The following CPNE9 variants were observed in gnomAD, a reference collection of about 807,000 sequenced individuals.
The protein encoded by CPNE9 is copine-9.
In CPNE9, 59 loss-of-function variants were observed where a neutral mutation model predicts 83.0. The observed-to-expected ratio is 0.71, with a 90% CI of 0.58 to 0.88. The LOEUF (loss-of-function observed/expected upper bound fraction) is 0.88. CPNE9 is among the 40% of genes least tolerant of loss of function. The probability of loss-of-function intolerance (pLI) is 0.00; values close to 1 mark genes in which losing one functional copy is unlikely to be tolerated. For missense variants in CPNE9, 619 were observed against 720.8 expected (o/e 0.86, Z 1.62); for synonymous variants, 256 against 273.4 (o/e 0.94, Z 0.63).
chr3:9,707,646 A>G (rs929158529), intron 7 of CPNE9, among the ~76,000 whole-genome samples: 1 of 149,848 alleles, frequency 6.7e-6, no homozygotes, highest in African/African-American at 2.4e-5. Flanking sequence ...AAAGCCAGGC[A>G]TGGTGGTGTG....
chr3:9,722,781 T>C (rs2076745847), intron 17 of CPNE9, among the ~76,000 whole-genome samples: 1 of 152,078 alleles, frequency 6.6e-6, no homozygotes, highest in Non-Finnish European at 1.5e-5. Flanking sequence ...TCCCAAAGCA[T>C]TGGGATCTTA....
At chr3:9,705,793 C>T (rs2076557784) in intron 6 of CPNE9, 73 bp downstream of exon 6, 1 of 1,523,354 alleles carries the variant, frequency 6.6e-7, no homozygotes, top group African/African-American at 1.4e-5. Flanking sequence ...GGACTGATGA[C>T]CCACTACAAG....
intron 17 of CPNE9, among the ~76,000 whole-genome samples, chr3:9,722,409 T>C (rs2076743128): frequency 6.6e-6 from 1 of 152,144 alleles, no homozygotes; most frequent in African/African-American, 2.4e-5. Flanking sequence ...CTCAGCTAAC[T>C]TCCAGATAAA....
intron 15 of CPNE9, among the ~76,000 whole-genome samples, chr3:9,717,466 C>T (rs539890868): frequency 2.6e-5 from 4 of 152,102 alleles, no homozygotes; most frequent in Admixed American, 2.6e-4. Context: ...GTAGATGCAT[C>T]GATGGGTATG....
chr3:9,715,494 T>C lies in CPNE9; in HGVS notation c.790T>C (p.Cys264Arg). 1 of 1,614,016 alleles carries C rather than the reference T, an allele frequency of 6.2e-7. No homozygotes were observed. The highest frequency in any genetic ancestry group is 8.5e-7 in the Non-Finnish European group (1 of 1,179,922). The change falls in exon 13 of 21, where the codon TGT becomes CGT. Residue 264 changes from cysteine (C) to arginine (R), a missense_variant. Physicochemically the swap from Cys to Arg is radical, Grantham distance 180. Coordinates refer to ENST00000383832, the MANE Select transcript of CPNE9 (RefSeq NM_153635.3). ...TTAGGTTCTTAACCCTCGGAAGAAATGTAAGAAGAAGAAATATGTCAACTC... is the reference window on the plus strand; with the variant it reads ...TTAGGTTCTTAACCCTCGGAAGAAACGTAAGAAGAAGAAATATGTCAACTC... Reference protein sequence around the residue: ...VYEVLNPRKKCKKKKYVNSGT... With the variant: ...VYEVLNPRKKRKKKKYVNSGT...
chr3:9,720,950 T>A (rs754323328), intron 17 of CPNE9, among the ~76,000 whole-genome samples: 2 of 152,252 alleles, frequency 1.3e-5, no homozygotes, highest in Non-Finnish European at 2.9e-5. Context: ...ATGAGGAAAG[T>A]AACAATGTCT....
chr3:9,723,450 C>A (rs1002461267), intron 17 of CPNE9, among the ~76,000 whole-genome samples: 58 of 151,296 alleles, frequency 3.8e-4, no homozygotes, highest in African/African-American at 1.4e-3. Context: ...CCAGCCTGGG[C>A]AACAGAGCGA....
At chr3:9,723,492 C>G (rs767661267) in intron 17 of CPNE9, among the ~76,000 whole-genome samples, 33 of 151,952 alleles carry the variant, frequency 2.2e-4, no homozygotes, top group Non-Finnish European at 4.0e-4. Context: ...AGAAAAAAAC[C>G]AGGATCATGA....
intron 13 of CPNE9, 101 bp downstream of exon 13, chr3:9,715,627 C>A: frequency 1.0e-6 from 1 of 1,003,558 alleles, no homozygotes; most frequent in Non-Finnish European, 1.6e-6. Context: ...ACAGTGGGCA[C>A]AGATTACTTG....
chr3:9,724,559 G>A (rs1214786982), intron 17 of CPNE9, among the ~76,000 whole-genome samples: 1 of 152,172 alleles, frequency 6.6e-6, no homozygotes, highest in Non-Finnish European at 1.5e-5. Context: ...CTCAATTTCT[G>A]ACCTCCACAC....
At position 9,704,195 on chromosome 3, in the gene CPNE9, A is replaced by C. The variant is rs1559633152; in HGVS notation, c.68+131A>C. On this transcript the variant is annotated intron_variant, in intron 1 of 20. Coordinates refer to ENST00000383832, the MANE Select transcript of CPNE9 (RefSeq NM_153635.3). This position sits in a 1 kb window ranked among gnomAD's most constrained non-coding sequence, Gnocchi z 7.1. ...ATTGGCTGGAAAATCACAGCTGATG[A>C]CAGGGCGAGTAGCTGGTGGGATCGA... The C allele has an allele frequency of 1.2e-6, 1 of 847,002 alleles. No homozygotes were observed. Among genetic ancestry groups the C allele is most frequent in the Non-Finnish European group, 1.8e-6 (1 of 547,346 alleles). 52.5% of individuals were successfully genotyped at this position (847,002 alleles called of 1,614,324 possible).
At chr3:9,725,569 GAT>G (rs112756664) in intron 17 of CPNE9, among the ~76,000 whole-genome samples, 86 of 145,830 alleles carry the variant, frequency 5.9e-4, no homozygotes, top group Non-Finnish European at 8.3e-4. Flanking sequence ...TGTGTGTATG[GAT>G]ATATATATAT....
chr3:9,714,213 C>T (rs1330202508), intron 10 of CPNE9, among the ~76,000 whole-genome samples: 2 of 152,256 alleles, frequency 1.3e-5, no homozygotes, highest in East Asian at 3.9e-4. Context: ...AGTTGGTAGA[C>T]AGACAGACAG....
Position 9,712,618 on chromosome 3 carries a change from A to T in CPNE9, c.441+14A>T. On this transcript the variant is annotated intron_variant, in intron 8 of 20. Coordinates refer to ENST00000383832, the MANE Select transcript of CPNE9 (RefSeq NM_153635.3). ...AGCAATTGTCGGGTCAGTAAGGGCC[A>T]CATGCTAGACCCAGGAGCTCCCTTC... 9 of 1,613,020 alleles carry T rather than the reference A, an allele frequency of 5.6e-6. No individual in the cohort carries two copies. Among genetic ancestry groups the T allele is most frequent in the Non-Finnish European group, 7.6e-6 (9 of 1,178,968 alleles).
At chr3:9,706,458 C>G (rs918706481) in intron 7 of CPNE9, among the ~76,000 whole-genome samples, 2 of 152,168 alleles carry the variant, frequency 1.3e-5, no homozygotes, top group Non-Finnish European at 2.9e-5. Flanking sequence ...ATCCCACACC[C>G]TGTTCTAGGC....
chr3:9,715,942 A>G, intron 13 of CPNE9, 32 bp from the exon 14 acceptor site: 4 of 1,601,600 alleles, frequency 2.5e-6, no homozygotes, highest in Non-Finnish European at 3.4e-6. Context: ...TGCCTTTTCC[A>G]AAGTGCCAGG....
chr3:9,725,778 C>T (rs1485315242), intron 17 of CPNE9, among the ~76,000 whole-genome samples, 171 bp from the exon 18 acceptor site: 1 of 150,708 alleles, frequency 6.6e-6, no homozygotes, highest in Non-Finnish European at 1.5e-5. Flanking sequence ...GATATATACA[C>T]ATATATATAT....
Position 9,712,743 on chromosome 3 carries a change from C to G in CPNE9, c.460C>G (p.Leu154Val). Residue 154 changes from leucine (L) to valine (V), a missense_variant, in exon 9 of 21, where the codon CTG (leucine) becomes GTG (valine). By Grantham distance (32) the Leu-to-Val change is conservative. This residue lies in a region of CPNE9 where 438 missense variants were observed against 562.9 expected (regional missense o/e 0.78). Transcript: ENST00000383832. ...SNCRDIATMQ[L>V]CANKLDKKDF... ...TCCCTAGGACATTGCCACCATGCAG[C>G]TGTGTGCAAACAAGCTGGACAAGAA... 2 of 1,614,124 alleles carry G rather than the reference C, an allele frequency of 1.2e-6. No homozygotes were observed. The highest frequency in any genetic ancestry group is 1.7e-6 in the Non-Finnish European group (2 of 1,180,002).
At chr3:9,724,450 C>G (rs1476968989) in intron 17 of CPNE9, among the ~76,000 whole-genome samples, 1 of 152,100 alleles carries the variant, frequency 6.6e-6, no homozygotes, top group African/African-American at 2.4e-5. Context: ...AGCCTTTGCT[C>G]TCGCTCATAT....
Sources: gnomAD v4.1 joint callset for allele counts (sites outside exome capture counted in the v4.1 genomes callset) on GRCh38, gnomAD v4.1.1 for gene constraint, gnomAD v4.1.1 regional missense constraint, Gnocchi (gnomAD v3.1) non-coding constraint, MANE v1.5 for transcripts, NCBI Gene and HGNC (gene_info 2026-07-23, HGNC 2026-07-21) for gene names.